ACOXL: variants seen among roughly 807,000 people sequenced by gnomAD.
ACOXL encodes acyl-CoA oxidase like, also known as acyl-coenzyme A oxidase-like protein.
A neutral mutation model predicts 71.9 loss-of-function variants in ACOXL; 70 were observed. The observed-to-expected ratio is 0.97, with a 90% confidence interval of 0.80 to 1.19. ACOXL has a LOEUF of 1.19. Ranked by LOEUF, ACOXL falls within the 50% of genes most tolerant of loss-of-function variation. ACOXL has a pLI of 0.00. For missense variants in ACOXL, 703 were observed against 736.3 expected, an observed-to-expected ratio of 0.95 and a Z score of 0.52; for synonymous variants, 253 against 281.6, an observed-to-expected ratio of 0.90 and a Z score of 1.02.
At chr2:110,932,362 G>A (rs2060506200) in intron 11 of ACOXL, among the ~76,000 whole-genome samples, 1 of 152,140 alleles carries the variant, frequency 6.6e-6, no homozygotes, top group Admixed American at 6.5e-5. Context: ...CTCTTCAAGT[G>A]GTGCACTTTG....
In ACOXL at chr2:110,918,909, G is replaced by A. The variant is rs529998590; in HGVS notation, c.905+10004G>A. ...ATTAAAATGTCAGAAAACAACAGATGGTGGAGAGGATGTGGAGAAATAGGA... is the reference window on the plus strand; with the variant it reads ...ATTAAAATGTCAGAAAACAACAGATAGTGGAGAGGATGTGGAGAAATAGGA... On this transcript the variant is annotated intron_variant, in intron 11 of 17. Transcript: ENST00000439055. 5.9e-5 allele frequency among the ~76,000 whole-genome samples: 9 copies of A among 152,304 alleles called. No individual in the cohort carries two copies. The South Asian group carries it at 1.9e-3, about 32-fold the overall frequency.
chr2:110,879,726 C>T (rs1001629852), intron 10 of ACOXL, among the ~76,000 whole-genome samples: 2 of 151,990 alleles, frequency 1.3e-5, no homozygotes, highest in Admixed American at 1.3e-4. Flanking sequence ...TTTTTTTGCT[C>T]AGTAACAAGG....
At chr2:110,799,945 G>C (rs1050975767) in intron 7 of ACOXL, among the ~76,000 whole-genome samples, 4 of 152,060 alleles carry the variant, frequency 2.6e-5, no homozygotes, top group Non-Finnish European at 5.9e-5. Context: ...ACTAACCAGC[G>C]CCCTCTAAAA....
intron 16 of ACOXL, among the ~76,000 whole-genome samples, chr2:111,072,033 A>G (rs2067366301): frequency 6.6e-6 from 1 of 152,248 alleles, no homozygotes; most frequent in South Asian, 2.1e-4. Flanking sequence ...GGGAAGGAGT[A>G]ACTTTCAATG....
At chr2:110,896,426 T>G (rs183060065) in intron 10 of ACOXL, among the ~76,000 whole-genome samples, 81 of 152,234 alleles carry the variant, frequency 5.3e-4, no homozygotes, top group African/African-American at 1.9e-3. Context: ...AGTTAAAAAA[T>G]AGAGCTTGAC....
At chr2:111,041,673 A>C (rs1201081501) in intron 15 of ACOXL, among the ~76,000 whole-genome samples, 1 of 152,208 alleles carries the variant, frequency 6.6e-6, no homozygotes, top group Non-Finnish European at 1.5e-5. Context: ...ATGGTGAGCC[A>C]AGGCCATGTC....
At chr2:110,876,247 TGAG>T (rs1436360610) in intron 10 of ACOXL, among the ~76,000 whole-genome samples, 6 of 151,994 alleles carry the variant, frequency 3.9e-5, no homozygotes, top group East Asian at 1.9e-4. Flanking sequence ...GGTTTTTTCT[TGAG>T]GAGGGGCACC....
chr2:111,105,201 A>G (rs1277117260), intron 17 of ACOXL, among the ~76,000 whole-genome samples: 2 of 152,118 alleles, frequency 1.3e-5, no homozygotes, highest in African/African-American at 2.4e-5. Flanking sequence ...CTGTGTGTCT[A>G]TCCCTTCACC....
intron 1 of ACOXL, among the ~76,000 whole-genome samples, chr2:110,735,038 A>G (rs549577474): frequency 8.5e-5 from 13 of 152,316 alleles, no homozygotes; most frequent in African/African-American, 3.1e-4. Flanking sequence ...GGAAAAGCAA[A>G]AATCCCATTA....
At chr2:110,901,483 T>C (rs1574050641) in intron 10 of ACOXL, among the ~76,000 whole-genome samples, 1 of 152,180 alleles carries the variant, frequency 6.6e-6, no homozygotes, top group Non-Finnish European at 1.5e-5. Flanking sequence ...ATTGATAGAC[T>C]GTTGAGGGTT....
intron 12 of ACOXL, among the ~76,000 whole-genome samples, chr2:110,950,104 G>A (rs2061270427): frequency 6.6e-6 from 1 of 151,930 alleles, no homozygotes; most frequent in Admixed American, 6.6e-5. Flanking sequence ...ACAATGTGCA[G>A]GTTAGTTACA....
chr2:110,829,874 G>A lies in ACOXL; in HGVS notation c.754-11497G>A, dbSNP rs193203826. ...GTGAGCCTGTGTTTGGAGTGGGAGT[G>A]AGATAATTATTTACAGAGATTGCTT... is the stretch of plus-strand genomic sequence containing the variant. On this transcript the variant is annotated intron_variant, in intron 9 of 17. Transcript: ENST00000439055. 4.6e-5 allele frequency among the ~76,000 whole-genome samples: 7 copies of A among 152,334 alleles called. No homozygotes were observed. The East Asian group carries it at 1.3e-3, about 29-fold the overall frequency.
intron 12 of ACOXL, among the ~76,000 whole-genome samples, chr2:110,986,648 A>G (rs1426352330): frequency 1.3e-5 from 2 of 152,230 alleles, no homozygotes. Flanking sequence ...TTATAACTTT[A>G]AAGCTGCTGA....
chr2:110,904,893 G>A (rs1223184983), intron 10 of ACOXL, among the ~76,000 whole-genome samples: 2 of 152,136 alleles, frequency 1.3e-5, no homozygotes, highest in East Asian at 1.9e-4. Context: ...GGCCCTGAGT[G>A]GAAGAGACAG....
At chr2:111,072,547 G>A (rs2067391903) in intron 16 of ACOXL, among the ~76,000 whole-genome samples, 1 of 152,200 alleles carries the variant, frequency 6.6e-6, no homozygotes. Context: ...GCTGCTATAA[G>A]TATTCATGTA....
At position 110,996,579 on chromosome 2, in the gene ACOXL, G is replaced by A. The variant is rs2063407075; in HGVS notation, c.1281+575G>A. Among the ~76,000 whole-genome samples the A allele has an allele frequency of 2.6e-5, 4 of 152,130 alleles. No individual in the cohort carries two copies. In the South Asian group the frequency reaches 8.3e-4, roughly 32 times the overall value. ...CTGATCCGGCACAGAATAGCCAATG[G>A]AACCCCAGGAGAAGGCTTTACTGCT... is the stretch of plus-strand genomic sequence containing the variant. On this transcript the variant is annotated intron_variant, in intron 14 of 17. Coordinates refer to ENST00000439055, the MANE Select transcript of ACOXL (RefSeq NM_001142807.4).
chr2:110,884,751 A>T (rs1242799751), intron 10 of ACOXL, among the ~76,000 whole-genome samples: 1 of 152,288 alleles, frequency 6.6e-6, no homozygotes, highest in South Asian at 2.1e-4. Flanking sequence ...TTGAATCCCC[A>T]TGCCATAATG....
chr2:110,815,338 A>G (rs981179475), intron 9 of ACOXL, among the ~76,000 whole-genome samples: 2 of 152,362 alleles, frequency 1.3e-5, no homozygotes, highest in South Asian at 4.1e-4. Context: ...AACCATGTCA[A>G]TCACTATAGT....
chr2:111,047,825 T>C (rs541602606), intron 15 of ACOXL, among the ~76,000 whole-genome samples: 1 of 152,362 alleles, frequency 6.6e-6, no homozygotes, highest in African/African-American at 2.4e-5. Context: ...AAGGCAACAT[T>C]GATCTCTCTA....
Sources: gnomAD v4.1 joint callset for allele counts (sites outside exome capture counted in the v4.1 genomes callset) on GRCh38, gnomAD v4.1.1 for gene constraint, MANE v1.5 for transcripts, NCBI Gene and HGNC (gene_info 2026-07-23, HGNC 2026-07-21) for gene names.